SPAG16: variants seen among roughly 807,000 people sequenced by gnomAD.
SPAG16 encodes the protein sperm-associated antigen 16 protein.
Under a neutral mutation model 80.4 loss-of-function variants are expected in SPAG16, and 86 were observed. The observed-to-expected ratio is 1.07, with a 90% CI of 0.90 to 1.28. SPAG16 has a LOEUF of 1.28. Ranked by LOEUF, SPAG16 falls within the 50% of genes most tolerant of loss-of-function variation. The pLI, the probability that SPAG16 is intolerant of heterozygous loss-of-function variation, is 0.00. For synonymous variants in SPAG16, 294 were observed against 265.9 expected (o/e 1.11, Z -1.03); for missense variants, 870 against 765.3 (o/e 1.14, Z -1.61).
intron 10 of SPAG16, among the ~76,000 whole-genome samples, chr2:213,613,275 C>T (rs535811722): frequency 6.6e-6 from 1 of 152,266 alleles, no homozygotes; most frequent in South Asian, 2.1e-4. Context: ...GATCATTGTA[C>T]TCCTTGGCTC....
intron 10 of SPAG16, among the ~76,000 whole-genome samples, chr2:213,830,840 C>G (rs2073594904): frequency 6.6e-6 from 1 of 151,948 alleles, no homozygotes; most frequent in Non-Finnish European, 1.5e-5. Context: ...TGTTGACTGA[C>G]AAATATTTTT....
chr2:213,372,901 A>G (rs2066712187), intron 8 of SPAG16, among the ~76,000 whole-genome samples: 1 of 152,202 alleles, frequency 6.6e-6, no homozygotes, highest in Admixed American at 6.5e-5. Context: ...GAGCCTGAAC[A>G]TGTTAACATT....
At chr2:213,803,006 C>T (rs2556296) in intron 10 of SPAG16, among the ~76,000 whole-genome samples, 45,852 of 151,534 alleles carry the variant, frequency 0.3, 7,130 homozygotes, top group Middle Eastern at 0.39. Flanking sequence ...GGGCAGTGTA[C>T]GTAGGAATCT....
intron 15 of SPAG16, among the ~76,000 whole-genome samples, chr2:214,334,126 T>C (rs551976401): frequency 6.6e-6 from 1 of 152,272 alleles, no homozygotes; most frequent in Admixed American, 6.5e-5. Flanking sequence ...GAGGGATACA[T>C]GTCAGTTACA....
In SPAG16 at chr2:214,273,038, G is replaced by C. The variant is rs568876096; in HGVS notation, c.1720+123772G>C. Among the ~76,000 whole-genome samples, 421 of 152,250 alleles carry C rather than the reference G, an allele frequency of 2.8e-3. 3 individuals are homozygous for C. Among genetic ancestry groups the C allele is most frequent in the African/African-American group, 9.7e-3 (404 of 41,564 alleles). ...GGTTTTGATTTGCATTTCTCTGATGGCCAGTGATGATGAGCATTTTTTCAT... is the reference window on the plus strand; with the variant it reads ...GGTTTTGATTTGCATTTCTCTGATGCCCAGTGATGATGAGCATTTTTTCAT... On this transcript the variant is annotated intron_variant, in intron 15 of 15. Transcript: ENST00000331683.
chr2:213,848,834 C>A (rs1309899648), intron 10 of SPAG16, among the ~76,000 whole-genome samples: 1 of 152,086 alleles, frequency 6.6e-6, no homozygotes, highest in East Asian at 1.9e-4. Context: ...ATCTATTCCT[C>A]TTGTTCACAA....
chr2:213,837,823 T>C (rs1257724167), intron 10 of SPAG16, among the ~76,000 whole-genome samples: 1 of 151,884 alleles, frequency 6.6e-6, no homozygotes, highest in Non-Finnish European at 1.5e-5. Context: ...AAGAGAGAGG[T>C]AGACGAGTCT....
At chr2:213,818,483 C>A (rs895449591) in intron 10 of SPAG16, among the ~76,000 whole-genome samples, 1 of 152,184 alleles carries the variant, frequency 6.6e-6, no homozygotes, top group Admixed American at 6.6e-5. Context: ...ACATCTGGCT[C>A]TGCCTTGGGT....
intron 13 of SPAG16, among the ~76,000 whole-genome samples, chr2:214,048,325 G>A (rs2049452162): frequency 6.6e-6 from 1 of 152,104 alleles, no homozygotes; most frequent in Non-Finnish European, 1.5e-5. Context: ...ATCAACAGAT[G>A]ACTGGACAAA....
Position 213,350,575 on chromosome 2 carries a change from A to G in SPAG16, c.692A>G (p.His231Arg). Reference protein sequence around the residue: ...ASYEPTIRVLHEKHHTLLKEK... With the variant: ...ASYEPTIRVLREKHHTLLKEK... ...TATGAACCGACTATAAGGGTGTTAC[A>G]TGAGAAACACCACACTTTACTGAAG... is the stretch of plus-strand genomic sequence containing the variant. The change falls in exon 7 of 16, where the codon CAT (histidine) becomes CGT (arginine). Residue 231 changes from histidine to arginine, a missense_variant. By Grantham distance (29) the His-to-Arg change is conservative (BLOSUM62 0). Coordinates refer to ENST00000331683, the MANE Select transcript of SPAG16 (RefSeq NM_024532.5). 1.2e-6 allele frequency: 2 copies of G among 1,601,234 alleles called. No homozygotes were observed. The highest frequency in any genetic ancestry group is 1.7e-6 in the Non-Finnish European group (2 of 1,176,312).
intron 15 of SPAG16, among the ~76,000 whole-genome samples, chr2:214,185,273 G>C (rs1355562626): frequency 6.6e-6 from 1 of 151,924 alleles, no homozygotes; most frequent in Non-Finnish European, 1.5e-5. Flanking sequence ...CATAAAATGA[G>C]ACATTTTATG....
At chr2:214,352,721 G>C (rs1332496206) in intron 15 of SPAG16, among the ~76,000 whole-genome samples, 1 of 151,888 alleles carries the variant, frequency 6.6e-6, no homozygotes, top group Non-Finnish European at 1.5e-5. Context: ...AAATCTATGT[G>C]CTTTGGTCAT....
chr2:214,212,233 A>G (rs2058313548), intron 15 of SPAG16, among the ~76,000 whole-genome samples: 2 of 151,966 alleles, frequency 1.3e-5, no homozygotes, highest in East Asian at 1.9e-4. Context: ...TTCCTCAGAC[A>G]TGGCAAGCTT....
intron 10 of SPAG16, among the ~76,000 whole-genome samples, chr2:213,787,967 C>T (rs2070446991): frequency 6.6e-6 from 1 of 151,942 alleles, no homozygotes; most frequent in African/African-American, 2.4e-5. Flanking sequence ...GAAAGACTAA[C>T]ATATATGTGC....
At chr2:214,286,434 CTAAA>C (rs148253053) in intron 15 of SPAG16, among the ~76,000 whole-genome samples, 3,822 of 152,060 alleles carry the variant, frequency 0.025, 111 homozygotes, top group African/African-American at 0.067. Context: ...CTATAAATGA[CTAAA>C]TAAATAGTGT....
At chr2:214,117,022 A>G (rs2053966724) in intron 14 of SPAG16, among the ~76,000 whole-genome samples, 1 of 152,182 alleles carries the variant, frequency 6.6e-6, no homozygotes, top group Non-Finnish European at 1.5e-5. Context: ...AAGGCACCAG[A>G]CACTGATTTT....
intron 5 of SPAG16, among the ~76,000 whole-genome samples, chr2:213,323,720 C>G (rs1373296721): frequency 6.6e-6 from 1 of 152,128 alleles, no homozygotes; most frequent in African/African-American, 2.4e-5. Context: ...ATTATAGAAA[C>G]AACCTAAATG....
intron 10 of SPAG16, among the ~76,000 whole-genome samples, chr2:213,610,382 G>A (rs999507791): frequency 2.6e-5 from 4 of 152,042 alleles, no homozygotes; most frequent in African/African-American, 9.7e-5. Context: ...TAACACTTTT[G>A]AAAATCTGAA....
At position 213,340,150 on chromosome 2, in the gene SPAG16, AT is replaced by A. The variant is rs201664825; in HGVS notation, c.537-4del. ...ATTAGCAGTGATTTATAAAGTTACTATTTTTTTTTCAGCAAAGCTAGAGAAG... is the reference window on the plus strand; with the variant it reads ...ATTAGCAGTGATTTATAAAGTTACTATTTTTTTTCAGCAAAGCTAGAGAAG... On this transcript the variant is annotated splice_polypyrimidine_tract_variant and intron_variant, in intron 5 of 15. Coordinates refer to ENST00000331683, the MANE Select transcript of SPAG16 (RefSeq NM_024532.5). 4.1e-4 allele frequency: 614 copies of A among 1,507,158 alleles called. 2 individuals carry two copies. The African/African-American group carries it at 4.4e-3, about 11-fold the overall frequency. 93.4% of individuals were successfully genotyped at this position (1,507,158 alleles called of 1,614,324 possible). A position where few individuals can be genotyped will look rare whatever the true frequency, so the allele number is the denominator to read the frequency against.
Sources: allele counts gnomAD v4.1 joint callset (sites outside exome capture counted in the v4.1 genomes callset), GRCh38; gene constraint gnomAD v4.1.1; transcripts MANE v1.5; gene names NCBI Gene and HGNC (gene_info 2026-07-23, HGNC 2026-07-21).